The following CMSS1 variants were observed in gnomAD, a reference collection of about 807,000 sequenced individuals.
The protein encoded by CMSS1 is cms1 ribosomal small subunit homolog.
CMSS1 carries 33 observed loss-of-function variants against 43.5 expected under a neutral mutation model. The observed-to-expected ratio is 0.76, with a 90% CI of 0.57 to 1.01. The LOEUF is 1.01. Ranked by LOEUF, CMSS1 falls within the 50% of genes least tolerant of loss-of-function variation. The pLI, the probability that CMSS1 is intolerant of heterozygous loss-of-function variation, is 0.00. For synonymous variants in CMSS1, 115 were observed against 117.2 expected (o/e 0.98, Z 0.12); for missense variants, 313 against 326.4 (o/e 0.96, Z 0.32).
At chr3:99,995,728 T>C (rs1709658855) in intron 1 of CMSS1, among the ~76,000 whole-genome samples, 1 of 152,202 alleles carries the variant, frequency 6.6e-6, no homozygotes, top group South Asian at 2.1e-4. Flanking sequence ...ACTCACAGGT[T>C]CAACACCACG....
In CMSS1 at chr3:99,849,074, A is replaced by C. The variant is rs1434491375; in HGVS notation, c.64+31031A>C. ...CCATTCTGAAGATGGCCCTCCTTGGATTTCATCCAGGGAATCCATAGCTTT... is the reference window on the plus strand; with the variant it reads ...CCATTCTGAAGATGGCCCTCCTTGGCTTTCATCCAGGGAATCCATAGCTTT... On this transcript the variant is annotated intron_variant, in intron 1 of 9. Coordinates refer to ENST00000421999, the MANE Select transcript of CMSS1 (RefSeq NM_032359.4). The C allele has an allele frequency of 3.7e-6, 6 of 1,613,974 alleles. No homozygotes were observed. Among genetic ancestry groups the C allele is most frequent in the Non-Finnish European group, 5.1e-6 (6 of 1,180,006 alleles).
intron 1 of CMSS1, among the ~76,000 whole-genome samples, chr3:100,019,589 G>A (rs1412533513): frequency 1.3e-5 from 2 of 152,120 alleles, no homozygotes; most frequent in African/African-American, 4.8e-5. Context: ...TTTAAAGACA[G>A]TAGTAGATAC....
chr3:99,947,052 C>G (rs768136577), intron 1 of CMSS1, among the ~76,000 whole-genome samples: 4 of 149,188 alleles, frequency 2.7e-5, no homozygotes, highest in Non-Finnish European at 3.0e-5. Context: ...CAGGGAGAAT[C>G]ACTTGCAGCT....
At chr3:100,105,830 C>G (rs2066385720) in intron 1 of CMSS1, among the ~76,000 whole-genome samples, 1 of 152,142 alleles carries the variant, frequency 6.6e-6, no homozygotes, top group Non-Finnish European at 1.5e-5. Context: ...TTTTAACCTC[C>G]TGGGATGCAA....
At chr3:99,996,662 A>C (rs1248428601) in intron 1 of CMSS1, among the ~76,000 whole-genome samples, 1 of 152,152 alleles carries the variant, frequency 6.6e-6, no homozygotes, top group South Asian at 2.1e-4. Flanking sequence ...TCATAGTGGG[A>C]GGCAAAAGGC....
intron 1 of CMSS1, among the ~76,000 whole-genome samples, chr3:100,131,103 A>T (rs926001432): frequency 6.6e-6 from 1 of 152,226 alleles, no homozygotes; most frequent in African/African-American, 2.4e-5. Flanking sequence ...TAAGTAACTT[A>T]CATTCATTAC....
chr3:100,158,312 A>C (rs560351900), intron 2 of CMSS1, among the ~76,000 whole-genome samples: 3 of 152,348 alleles, frequency 2.0e-5, no homozygotes, highest in African/African-American at 7.2e-5. Context: ...CTACATATTT[A>C]AAATTGCTAC....
At chr3:99,981,632 G>A (rs1273796428) in intron 1 of CMSS1, among the ~76,000 whole-genome samples, 4 of 152,120 alleles carry the variant, frequency 2.6e-5, no homozygotes, top group Admixed American at 2.0e-4. Context: ...TTTGCAAGTG[G>A]AAAATTGACA....
At chr3:100,006,245 C>G (rs974027544) in intron 1 of CMSS1, among the ~76,000 whole-genome samples, 1 of 152,130 alleles carries the variant, frequency 6.6e-6, no homozygotes, top group African/African-American at 2.4e-5. Flanking sequence ...CCCCAGCCCT[C>G]AACTGATCTT....
At chr3:99,880,871 C>T (rs1167018579) in intron 1 of CMSS1, among the ~76,000 whole-genome samples, 1 of 151,604 alleles carries the variant, frequency 6.6e-6, no homozygotes, top group Non-Finnish European at 1.5e-5. Context: ...GTGGATGGAC[C>T]CTGTATGTGT....
intron 1 of CMSS1, among the ~76,000 whole-genome samples, chr3:99,998,452 A>C (rs1014552255): frequency 1.3e-5 from 2 of 152,194 alleles, no homozygotes; most frequent in Non-Finnish European, 2.9e-5. Context: ...AAGAATGTAC[A>C]TTTTTGAGAT....
chr3:99,924,494 T>G, intron 1 of CMSS1: 2 of 1,347,346 alleles, frequency 1.5e-6, no homozygotes, highest in South Asian at 2.6e-5. Context: ...CTGTTTTGAT[T>G]AATTCGGCAG....
rs767203426 is a variant in CMSS1 at position 100,162,456 on chromosome 3, T to C, written c.355+24T>C. ...AGGTATAGCCAAGCTTCAATTTTCC[T>C]AAAGACAAGGAGCAAAACATAAGTA... is the stretch of plus-strand genomic sequence containing the variant. On this transcript the variant is annotated intron_variant, in intron 4 of 9. Transcript: ENST00000421999. 6 of 1,600,682 alleles carry C rather than the reference T, an allele frequency of 3.7e-6. No homozygotes were observed. In the Admixed American group the frequency reaches 5.2e-5, roughly 14 times the overall value.
intron 1 of CMSS1, among the ~76,000 whole-genome samples, chr3:99,901,390 G>T (rs997053478): frequency 6.6e-5 from 10 of 152,174 alleles, no homozygotes; most frequent in African/African-American, 2.2e-4. Flanking sequence ...GTAGTGACAA[G>T]CGATGACTCA....
intron 1 of CMSS1, among the ~76,000 whole-genome samples, chr3:100,033,887 C>G (rs1204656128): frequency 2.0e-5 from 3 of 152,232 alleles, no homozygotes; most frequent in Non-Finnish European, 2.9e-5. Flanking sequence ...ACAAAAGTGA[C>G]TGTTTTATGT....
chr3:99,918,292 A>C (rs750891437), intron 1 of CMSS1, among the ~76,000 whole-genome samples: 1 of 152,176 alleles, frequency 6.6e-6, no homozygotes, highest in Admixed American at 6.5e-5. Flanking sequence ...TTTATATACC[A>C]GAAAACTAAA....
intron 1 of CMSS1, among the ~76,000 whole-genome samples, chr3:99,935,671 A>G (rs747968044): frequency 9.8e-5 from 15 of 152,292 alleles, no homozygotes; most frequent in South Asian, 2.1e-4. Context: ...AGACTGGATG[A>G]TCTTTGAAGT....
intron 1 of CMSS1, among the ~76,000 whole-genome samples, chr3:99,972,630 G>C (rs1708857266): frequency 6.6e-6 from 1 of 152,134 alleles, no homozygotes; most frequent in Non-Finnish European, 1.5e-5. Flanking sequence ...AGCTTTCTGT[G>C]CTTATGAAAT....
chr3:100,080,530 A>G (rs2065917392), intron 1 of CMSS1, among the ~76,000 whole-genome samples: 2 of 152,200 alleles, frequency 1.3e-5, no homozygotes, highest in Non-Finnish European at 2.9e-5. Flanking sequence ...ATGCAGATAT[A>G]GGTGATCTGT....
Sources: gnomAD v4.1 joint callset for allele counts (sites outside exome capture counted in the v4.1 genomes callset) on GRCh38, gnomAD v4.1.1 for gene constraint, MANE v1.5 for transcripts, NCBI Gene and HGNC (gene_info 2026-07-23, HGNC 2026-07-21) for gene names.